Variants in HECW2 observed in about 807,000 individuals in gnomAD.
HECW2 encodes HECT, C2 and WW domain containing E3 ubiquitin protein ligase 2, also known as E3 ubiquitin-protein ligase HECW2.
In HECW2, 61 loss-of-function variants were observed where a neutral mutation model predicts 175.2. That is an observed-to-expected ratio of 0.35 (90% CI 0.28 to 0.43). The LOEUF is 0.43. Ranked by LOEUF, HECW2 falls within the 20% of genes least tolerant of loss-of-function variation. The pLI is 1.00. For synonymous variants in HECW2, 671 were observed against 731.0 expected (o/e 0.92, Z 1.32); for missense variants, 1,524 against 2,000.5 (o/e 0.76, Z 4.54).
intron 1 of HECW2, among the ~76,000 whole-genome samples, chr2:196,447,709 T>G (rs1360849329): frequency 6.6e-6 from 1 of 152,222 alleles, no homozygotes; most frequent in African/African-American, 2.4e-5. Context: ...AATATCGTAT[T>G]GTGCTATCAC....
chr2:196,519,245 C>A (rs1688258584), intron 1 of HECW2, among the ~76,000 whole-genome samples: 2 of 152,174 alleles, frequency 1.3e-5, no homozygotes, highest in Admixed American at 1.3e-4. Flanking sequence ...CTGAAACTCC[C>A]CATTTCACAT....
chr2:196,333,516 C>T (rs1183522368), intron 4 of HECW2, among the ~76,000 whole-genome samples: 2 of 152,192 alleles, frequency 1.3e-5, no homozygotes, highest in African/African-American at 4.8e-5. Context: ...TGTATATACA[C>T]ATACACCCAC....
At chr2:196,457,135 T>A (rs1696543773) in intron 1 of HECW2, among the ~76,000 whole-genome samples, 1 of 152,204 alleles carries the variant, frequency 6.6e-6, no homozygotes, top group Admixed American at 6.5e-5. Flanking sequence ...ATTCTATATG[T>A]TGAGCTGCTG....
At chr2:196,363,046 G>T (rs1453282033) in intron 2 of HECW2, among the ~76,000 whole-genome samples, 1 of 151,930 alleles carries the variant, frequency 6.6e-6, no homozygotes, top group Non-Finnish European at 1.5e-5. Context: ...CTGAAGCTTC[G>T]AAGGGCCACA....
chr2:196,370,917 T>C (rs1303694352), intron 2 of HECW2, among the ~76,000 whole-genome samples: 2 of 152,194 alleles, frequency 1.3e-5, no homozygotes, highest in Non-Finnish European at 2.9e-5. Context: ...GGATGCAGTG[T>C]CAGCAATGAA....
chr2:196,220,917 CT>C lies in HECW2; in HGVS notation c.4170del (p.Gly1392ValfsTer19). 1 of 1,614,096 alleles carries C rather than the reference CT, an allele frequency of 6.2e-7. No homozygotes were observed. Among genetic ancestry groups the C allele is most frequent in the Non-Finnish European group, 8.5e-7 (1 of 1,179,966 alleles). ...TCTGTAACTGGGATATTGGCACCCC[CT>C]GGCTTTAATTCTCGTTCAGTTATCT... is the stretch of plus-strand genomic sequence containing the variant. ...FGQITERELK[P>X]GGANIPVTEK... On this transcript the variant is annotated frameshift_variant, in exon 25 of 29. Transcript: ENST00000644978. LOFTEE classifies it high-confidence loss of function.
intron 1 of HECW2, among the ~76,000 whole-genome samples, chr2:196,472,450 T>C (rs1697244330): frequency 7.5e-6 from 1 of 133,654 alleles, no homozygotes; most frequent in Admixed American, 8.3e-5. Context: ...ATTGCACCAC[T>C]GCACTCCAGC....
intron 1 of HECW2, among the ~76,000 whole-genome samples, chr2:196,518,278 A>C (rs1688220323): frequency 6.6e-6 from 1 of 152,202 alleles, no homozygotes; most frequent in African/African-American, 2.4e-5. Flanking sequence ...TGTTATGAGA[A>C]ATGGGATGCC....
chr2:196,269,800 A>G (rs377732858), intron 17 of HECW2, among the ~76,000 whole-genome samples: 1 of 152,336 alleles, frequency 6.6e-6, no homozygotes, highest in East Asian at 1.9e-4. Flanking sequence ...TTCATGACTC[A>G]TGATCAAAAT....
At chr2:196,310,383 C>T (rs899013743) in intron 10 of HECW2, among the ~76,000 whole-genome samples, 1 of 152,188 alleles carries the variant, frequency 6.6e-6, no homozygotes, top group African/African-American at 2.4e-5. Context: ...ATGCTTGGCT[C>T]TGAATCAGGA....
At chr2:196,516,077 C>T (rs1188809290) in intron 1 of HECW2, among the ~76,000 whole-genome samples, 1 of 152,078 alleles carries the variant, frequency 6.6e-6, no homozygotes. Context: ...GTAGAGTTTG[C>T]AGTGAGCTGA....
chr2:196,574,758 T>G (rs1250163531), intron 1 of HECW2, among the ~76,000 whole-genome samples: 1 of 152,162 alleles, frequency 6.6e-6, no homozygotes, highest in African/African-American at 2.4e-5. Flanking sequence ...AGGCACCACA[T>G]TTCCTAATTT....
intron 13 of HECW2, among the ~76,000 whole-genome samples, chr2:196,304,747 C>T (rs1691197080): frequency 6.6e-6 from 1 of 152,116 alleles, no homozygotes; most frequent in African/African-American, 2.4e-5. Context: ...TAGAATTGTC[C>T]CATATATGAG....
intron 1 of HECW2, among the ~76,000 whole-genome samples, chr2:196,476,947 CAAAAAAAAAAAAAAA>C (rs35714216): frequency 1.0e-4 from 6 of 57,404 alleles, no homozygotes; most frequent in South Asian, 1.1e-3. Context: ...CCCATCTCCA[CAAAAAAAAAAAAAAA>C]AAAAAAAAAA....
intron 1 of HECW2, among the ~76,000 whole-genome samples, chr2:196,511,311 T>C (rs1252975764): frequency 6.6e-6 from 1 of 152,236 alleles, no homozygotes; most frequent in South Asian, 2.1e-4. Context: ...AATGATGTTA[T>C]CAAAACACCA....
In HECW2 at chr2:196,195,678, A is replaced by T. The variant is rs1362000906; in HGVS notation, c.*5599T>A. The T allele has an allele frequency of 2.6e-5, 4 of 152,238 alleles. No individual in the cohort carries two copies. Among genetic ancestry groups the T allele is most frequent in the Non-Finnish European group, 5.9e-5 (4 of 68,036 alleles). The allele number at this position is 152,238 out of a possible 1,614,324, so 9.4% of individuals were successfully genotyped here. A position where few individuals can be genotyped will look rare whatever the true frequency, so the allele number is the denominator to read the frequency against. The stretch of plus-strand genomic sequence containing the variant: ...TCAAATGCTATTCTAATGTCAAGGG[A>T]TGTCCGCTAAAAAAACCAAATAAGT... On this transcript the variant is annotated 3_prime_UTR_variant, in exon 29 of 29. Transcript: ENST00000644978.
intron 2 of HECW2, among the ~76,000 whole-genome samples, chr2:196,395,088 C>G (rs1694622638): frequency 6.6e-6 from 1 of 152,110 alleles, no homozygotes; most frequent in Admixed American, 6.5e-5. Context: ...GACCTCATCA[C>G]CTCTCAAAGG....
chr2:196,278,691 A>G, intron 14 of HECW2, 29 bp from the exon 15 acceptor site: 3 of 1,613,040 alleles, frequency 1.9e-6, no homozygotes, highest in Non-Finnish European at 2.5e-6. Flanking sequence ...AGTCAAATAC[A>G]TGCCGCTCAC....
At chr2:196,377,815 G>A (rs1192332649) in intron 2 of HECW2, among the ~76,000 whole-genome samples, 1 of 152,126 alleles carries the variant, frequency 6.6e-6, no homozygotes, top group East Asian at 1.9e-4. Context: ...TTTTCTCACT[G>A]TTTCTTACCA....
Sources: allele counts gnomAD v4.1 joint callset (sites outside exome capture counted in the v4.1 genomes callset), GRCh38; gene constraint gnomAD v4.1.1; transcripts MANE v1.5; gene names NCBI Gene and HGNC (gene_info 2026-07-23, HGNC 2026-07-21).